Variants in SEC11A observed in about 807,000 individuals in gnomAD.
SEC11A encodes SEC11 homolog A, signal peptidase complex subunit, also known as signal peptidase complex catalytic subunit SEC11A.
In SEC11A, 14 loss-of-function variants were observed where a neutral mutation model predicts 25.6. The observed-to-expected ratio is 0.55, with a 90% CI of 0.36 to 0.85. SEC11A has a LOEUF of 0.85. SEC11A is among the 40% of genes least tolerant of loss of function. SEC11A has a pLI of 0.01. For synonymous variants in SEC11A, 83 were observed against 76.4 expected (o/e 1.09, Z -0.45); for missense variants, 153 against 222.9 (o/e 0.69, Z 2.00).
At chr15:84,699,313 C>A (rs1897856499) in intron 1 of SEC11A, among the ~76,000 whole-genome samples, 1 of 104,000 alleles carries the variant, frequency 9.6e-6, no homozygotes, top group African/African-American at 3.5e-5. Flanking sequence ...AGACTCTTGT[C>A]TCCAAAAAAA....
intron 1 of SEC11A, among the ~76,000 whole-genome samples, chr15:84,699,057 A>C (rs779398450): frequency 4.6e-5 from 7 of 152,040 alleles, no homozygotes; most frequent in Non-Finnish European, 7.4e-5. Flanking sequence ...GCTCATGCCT[A>C]TACTCCCAGC....
At chr15:84,671,831 T>A (rs75456765) in intron 4 of SEC11A, 5 of 152,182 alleles carry the variant, frequency 3.3e-5, no homozygotes, top group Non-Finnish European at 5.9e-5. Context: ...AATCCTATTT[T>A]CTCCCAGGGC....
At chr15:84,687,132 A>G (rs1263164330) in intron 3 of SEC11A, among the ~76,000 whole-genome samples, 2 of 152,142 alleles carry the variant, frequency 1.3e-5, no homozygotes, top group African/African-American at 2.4e-5. Context: ...TCGGCCTCCC[A>G]AAGTGCTGGG....
chr15:84,703,160 AC>A (rs1422212736), intron 1 of SEC11A, among the ~76,000 whole-genome samples: 4 of 152,170 alleles, frequency 2.6e-5, no homozygotes, highest in Non-Finnish European at 5.9e-5. Flanking sequence ...CTCTTGAGTA[AC>A]AGCTTTTTGT....
chr15:84,689,029 C>CAA (rs71453259), intron 2 of SEC11A, among the ~76,000 whole-genome samples: 2 of 95,126 alleles, frequency 2.1e-5, no homozygotes, highest in African/African-American at 4.2e-5. Flanking sequence ...GACTCTGTCT[C>CAA]AAAAAAAAAA....
rs918536799 is a variant in SEC11A, at chr15:84,669,827, G to A, written c.*192C>T. On this transcript the variant is annotated 3_prime_UTR_variant, in exon 6 of 6. Transcript: ENST00000268220. Reference sequence around the variant, plus strand: ...AAATCCTGTGACTGAAAGTCCCCTCGAGTGCACTCTGTGGTGCACATGCGC... The same window carrying A: ...AAATCCTGTGACTGAAAGTCCCCTCAAGTGCACTCTGTGGTGCACATGCGC... 1.8e-5 allele frequency: 14 copies of A among 788,842 alleles called. No homozygotes were observed. The highest frequency in any genetic ancestry group is 1.0e-4 in the Admixed American group (3 of 29,294). The allele number at this position is 788,842 out of a possible 1,614,324, so 48.9% of individuals were successfully genotyped here.
At chr15:84,710,612 T>C (rs1898231851) in intron 1 of SEC11A, among the ~76,000 whole-genome samples, 1 of 152,216 alleles carries the variant, frequency 6.6e-6, no homozygotes, top group East Asian at 1.9e-4. Flanking sequence ...CACTCCAGCC[T>C]GGGCGACAGA....
Position 84,670,552 on chromosome 15 carries a change from T to TG in SEC11A, c.489+172_489+173insC, listed in dbSNP as rs200561472. On this transcript the variant is annotated intron_variant, in intron 5 of 5. Coordinates refer to ENST00000268220, the MANE Select transcript of SEC11A (RefSeq NM_014300.4). ...CTGCGCCCAGGCTAATAATTTTTTT[T>TG]TTTTTTTAATAGAGACGGGGTTTCG... 2,742 of 404,052 alleles carry TG rather than the reference T, an allele frequency of 6.8e-3. 76 individuals carry two copies. The highest frequency in any genetic ancestry group is 0.052 in the African/African-American group (2,473 of 47,354). The allele number at this position is 404,052 out of a possible 1,614,324, so 25.0% of individuals were successfully genotyped here.
intron 1 of SEC11A, among the ~76,000 whole-genome samples, chr15:84,711,660 A>C (rs1251864677): frequency 2.0e-5 from 3 of 151,856 alleles, no homozygotes; most frequent in South Asian, 4.2e-4. Context: ...CTCTACTAAA[A>C]ATACAAAAAT....
At chr15:84,698,435 A>G (rs1183593620) in intron 1 of SEC11A, among the ~76,000 whole-genome samples, 1 of 152,198 alleles carries the variant, frequency 6.6e-6, no homozygotes, top group African/African-American at 2.4e-5. Context: ...TTTCTAACTC[A>G]TGAAAGGAGA....
chr15:84,670,239 C>A, intron 5 of SEC11A, 170 bp from the exon 6 acceptor site: 15 of 466,522 alleles, frequency 3.2e-5, no homozygotes, highest in Non-Finnish European at 4.8e-5. Context: ...CAAAATATCA[C>A]ATTTCTTTAA....
chr15:84,680,614 C>A, intron 4 of SEC11A, 99 bp downstream of exon 4: 1 of 1,251,494 alleles, frequency 8.0e-7, no homozygotes, highest in Non-Finnish European at 1.1e-6. Flanking sequence ...GAACCAGAAC[C>A]AAATCTCTAT....
Position 84,716,128 on chromosome 15 carries a change from G to T in SEC11A, c.-53C>A. 1 of 1,565,376 alleles carries T rather than the reference G, an allele frequency of 6.4e-7. No homozygotes were observed. Among genetic ancestry groups the T allele is most frequent in the Non-Finnish European group, 8.8e-7 (1 of 1,137,808 alleles). ...AGGGGAAAGGGCGCGATGACCAGCG[G>T]GCGGAACTACTGGAGCTCGGGTCGG... On this transcript the variant is annotated 5_prime_UTR_variant, in exon 1 of 6. Coordinates refer to ENST00000268220, the MANE Select transcript of SEC11A (RefSeq NM_014300.4).
At chr15:84,689,622 T>G (rs1321587228) in intron 2 of SEC11A, among the ~76,000 whole-genome samples, 1 of 151,274 alleles carries the variant, frequency 6.6e-6, no homozygotes, top group African/African-American at 2.4e-5. Context: ...TTTTTTTTTT[T>G]TTTTGAGACA....
chr15:84,674,739 T>C (rs907801011), intron 4 of SEC11A, among the ~76,000 whole-genome samples: 2 of 152,028 alleles, frequency 1.3e-5, no homozygotes, highest in African/African-American at 2.4e-5. Context: ...TTAAATTTTT[T>C]TGTAGAGACA....
intron 2 of SEC11A, among the ~76,000 whole-genome samples, chr15:84,689,276 G>C (rs1897528151): frequency 6.6e-6 from 1 of 152,024 alleles, no homozygotes; most frequent in African/African-American, 2.4e-5. Flanking sequence ...AAAATAGAAA[G>C]GGAAGAAACT....
intron 1 of SEC11A, among the ~76,000 whole-genome samples, chr15:84,712,765 C>T (rs943492850): frequency 4.6e-5 from 7 of 151,924 alleles, no homozygotes; most frequent in Non-Finnish European, 1.0e-4. Context: ...ATTAAAACTC[C>T]AAAGAATACA....
chr15:84,669,829 G>T lies in SEC11A; in HGVS notation c.*190C>A. ...ATCCTGTGACTGAAAGTCCCCTCGA[G>T]TGCACTCTGTGGTGCACATGCGCCC... On this transcript the variant is annotated 3_prime_UTR_variant, in exon 6 of 6. Transcript: ENST00000268220. 1 of 836,960 alleles carries T rather than the reference G, an allele frequency of 1.2e-6. No homozygotes were observed. Among genetic ancestry groups the T allele is most frequent in the Non-Finnish European group, 1.8e-6 (1 of 570,732 alleles). The allele number at this position is 836,960 out of a possible 1,614,324, so 51.8% of individuals were successfully genotyped here. A position where few individuals can be genotyped will look rare whatever the true frequency, so the allele number is the denominator to read the frequency against.
At chr15:84,694,158 C>G (rs1262363733) in intron 1 of SEC11A, among the ~76,000 whole-genome samples, 1 of 151,850 alleles carries the variant, frequency 6.6e-6, no homozygotes, top group African/African-American at 2.4e-5. Context: ...AGTAGGAGAC[C>G]AGCCTGGCCA....
Sources: allele counts gnomAD v4.1 joint callset (sites outside exome capture counted in the v4.1 genomes callset), GRCh38; gene constraint gnomAD v4.1.1; transcripts MANE v1.5; gene names NCBI Gene and HGNC (gene_info 2026-07-23, HGNC 2026-07-21).